The following MICU2 variants were observed in gnomAD, a reference collection of about 807,000 sequenced individuals.
MICU2 encodes mitochondrial calcium uptake 2, also known as calcium uptake protein 2, mitochondrial.
MICU2 carries 64 observed loss-of-function variants against 60.4 expected under a neutral mutation model. That is an observed-to-expected ratio of 1.06 (90% confidence interval 0.87 to 1.31). The LOEUF (loss-of-function observed/expected upper bound fraction) is 1.31, where lower values mean the gene tolerates loss of function less well. Ranked by LOEUF, MICU2 falls within the 50% of genes most tolerant of loss-of-function variation. The probability of loss-of-function intolerance (pLI) is 0.00; values close to 1 mark genes in which losing one functional copy is unlikely to be tolerated. For synonymous variants in MICU2, 201 were observed against 175.0 expected, an observed-to-expected ratio of 1.15 and a Z score of -1.17; for missense variants, 569 against 531.0, an observed-to-expected ratio of 1.07 and a Z score of -0.70.
chr13:21,544,112 C>T (rs984129748), intron 2 of MICU2, among the ~76,000 whole-genome samples: 6 of 152,090 alleles, frequency 3.9e-5, no homozygotes, highest in Non-Finnish European at 7.4e-5. Context: ...TGTCCACATG[C>T]AGAAGAATGA....
At chr13:21,519,246 C>T (rs958273071) in intron 6 of MICU2, among the ~76,000 whole-genome samples, 2 of 152,018 alleles carry the variant, frequency 1.3e-5, no homozygotes, top group African/African-American at 2.4e-5. Context: ...TTAGTAGAGA[C>T]GGGGTTTCTC....
intron 7 of MICU2, among the ~76,000 whole-genome samples, chr13:21,510,422 G>C (rs955942975): frequency 6.6e-6 from 1 of 152,152 alleles, no homozygotes; most frequent in Non-Finnish European, 1.5e-5. Context: ...ATGATCTCTA[G>C]GCCTTTACTA....
rs944614016 is a variant in MICU2 at position 21,603,958 on chromosome 13, C to G, written c.191G>C (p.Ser64Thr). The G allele has an allele frequency of 1.2e-6, 2 of 1,612,494 alleles. No homozygotes were observed. The highest frequency in any genetic ancestry group is 1.3e-5 in the African/African-American group (1 of 74,820). Reference protein sequence around the residue: ...SRVSVAARDGSFTVSAQKNVE... With the variant: ...SRVSVAARDGTFTVSAQKNVE... ...CTGTACCTGTGCGGAGACTGTAAAACTGCCATCCCGCGCCGCAACACTGAC... is the reference window on the plus strand; with the variant it reads ...CTGTACCTGTGCGGAGACTGTAAAAGTGCCATCCCGCGCCGCAACACTGAC... Residue 64 changes from serine (S) to threonine (T), a missense_variant, in exon 1 of 12, where the codon AGT becomes ACT. By Grantham distance (58) the Ser-to-Thr change is moderately conservative. Transcript: ENST00000382374.
intron 1 of MICU2, among the ~76,000 whole-genome samples, chr13:21,575,986 A>G (rs1173858843): frequency 1.3e-5 from 2 of 152,188 alleles, no homozygotes; most frequent in Admixed American, 6.5e-5. Context: ...TTACAGAGAT[A>G]AAATGGTGGG....
chr13:21,502,207 G>A (rs1566139223), intron 9 of MICU2, among the ~76,000 whole-genome samples: 1 of 151,082 alleles, frequency 6.6e-6, no homozygotes, highest in Non-Finnish European at 1.5e-5. Context: ...AGTTATAACT[G>A]GGTTCTTCTA....
At chr13:21,591,594 G>A (rs918625701) in intron 1 of MICU2, among the ~76,000 whole-genome samples, 1 of 152,172 alleles carries the variant, frequency 6.6e-6, no homozygotes, top group African/African-American at 2.4e-5. Flanking sequence ...GAGCCACATG[G>A]CACTTATTCT....
chr13:21,536,356 C>T (rs7325045), intron 4 of MICU2, among the ~76,000 whole-genome samples: 25,530 of 150,056 alleles, frequency 0.17, 2,897 homozygotes, highest in Non-Finnish European at 0.26. Context: ...TTTTTTGAGA[C>T]ACGGTCTTGC....
intron 2 of MICU2, among the ~76,000 whole-genome samples, chr13:21,546,894 C>A (rs1337066339): frequency 6.6e-6 from 1 of 152,184 alleles, no homozygotes; most frequent in Non-Finnish European, 1.5e-5. Context: ...AATATTGATT[C>A]TTTGGCATGT....
At position 21,578,677 on chromosome 13, in the gene MICU2, T is replaced by C. The variant is rs192849865; in HGVS notation, c.211-11733A>G. 3.4e-4 allele frequency among the ~76,000 whole-genome samples: 52 copies of C among 152,320 alleles called. 1 individual carries two copies. In the Middle Eastern group the frequency reaches 0.024, roughly 70 times the overall value. On this transcript the variant is annotated intron_variant, in intron 1 of 11. Transcript: ENST00000382374. ...ATGTATTTTAAAGCCTTATTAATAATTTACTGAAATATCTTTAGATAACCA... is the reference window on the plus strand; with the variant it reads ...ATGTATTTTAAAGCCTTATTAATAACTTACTGAAATATCTTTAGATAACCA...
At chr13:21,583,533 A>G (rs1237857173) in intron 1 of MICU2, among the ~76,000 whole-genome samples, 1 of 152,188 alleles carries the variant, frequency 6.6e-6, no homozygotes, top group Admixed American at 6.5e-5. Context: ...ATACTTCAAC[A>G]TATGTAGGCT....
intron 1 of MICU2, among the ~76,000 whole-genome samples, chr13:21,573,153 A>G (rs1343603022): frequency 6.6e-6 from 1 of 152,230 alleles, no homozygotes; most frequent in African/African-American, 2.4e-5. Context: ...GTGAGTGGAG[A>G]CGTAGTCTTT....
intron 6 of MICU2, among the ~76,000 whole-genome samples, chr13:21,516,577 C>T (rs1305826067): frequency 6.6e-6 from 1 of 152,158 alleles, no homozygotes; most frequent in Non-Finnish European, 1.5e-5. Context: ...CTTGGATAAA[C>T]ACGTAGGAGA....
intron 4 of MICU2, chr13:21,530,748 C>T (rs1408556529): frequency 9.0e-6 from 5 of 553,090 alleles, no homozygotes; most frequent in Admixed American, 5.6e-5. Flanking sequence ...CCAGAGCAGC[C>T]CCCACCCCAG....
intron 2 of MICU2, among the ~76,000 whole-genome samples, chr13:21,562,816 T>G (rs1359380272): frequency 6.6e-6 from 1 of 152,224 alleles, no homozygotes. Context: ...TTTATATTCA[T>G]GTATTCCTTT....
At chr13:21,598,428 T>C (rs1166167012) in intron 1 of MICU2, among the ~76,000 whole-genome samples, 1 of 152,072 alleles carries the variant, frequency 6.6e-6, no homozygotes, top group Non-Finnish European at 1.5e-5. Flanking sequence ...CTTAAAATAG[T>C]AATGGTGCCA....
chr13:21,557,667 C>A (rs1887740656), intron 2 of MICU2, among the ~76,000 whole-genome samples: 1 of 152,012 alleles, frequency 6.6e-6, no homozygotes, highest in South Asian at 2.1e-4. Context: ...CCCTGTTTTT[C>A]CTTATTTTGC....
chr13:21,574,858 CACA>C (rs1212845413), intron 1 of MICU2, among the ~76,000 whole-genome samples: 2 of 152,220 alleles, frequency 1.3e-5, no homozygotes, highest in African/African-American at 4.8e-5. Flanking sequence ...TTTCATTTGA[CACA>C]ACTTTTCCAT....
chr13:21,567,502 A>G (rs1297303373), intron 1 of MICU2, among the ~76,000 whole-genome samples: 1 of 152,214 alleles, frequency 6.6e-6, no homozygotes, highest in Non-Finnish European at 1.5e-5. Flanking sequence ...GAACATGTGA[A>G]GTTGTGCTTT....
intron 8 of MICU2, among the ~76,000 whole-genome samples, chr13:21,506,619 T>C (rs928377918): frequency 2.6e-5 from 4 of 152,234 alleles, no homozygotes; most frequent in Admixed American, 2.0e-4. Context: ...CTAGAAATCA[T>C]TGTTTAATAA....
Sources: gnomAD v4.1 joint callset for allele counts (sites outside exome capture counted in the v4.1 genomes callset) on GRCh38, gnomAD v4.1.1 for gene constraint, MANE v1.5 for transcripts, NCBI Gene and HGNC (gene_info 2026-07-23, HGNC 2026-07-21) for gene names.